Variants in KCNH8 observed in about 807,000 individuals in gnomAD.
KCNH8 encodes voltage-gated delayed rectifier potassium channel KCNH8.
KCNH8 carries 70 observed loss-of-function variants against 103.6 expected under a neutral mutation model. The ratio of observed to expected loss-of-function variants is 0.68; its 90% CI spans 0.56 to 0.82. The LOEUF (loss-of-function observed/expected upper bound fraction) is 0.82. KCNH8 is among the 40% of genes least tolerant of loss of function. The pLI is 0.00. For synonymous variants in KCNH8, 498 were observed against 489.4 expected (o/e 1.02, Z -0.23); for missense variants, 1,217 against 1,329.9 (o/e 0.92, Z 1.32).
chr3:19,465,079 G>A (rs1414549392), intron 11 of KCNH8, among the ~76,000 whole-genome samples: 1 of 152,134 alleles, frequency 6.6e-6, no homozygotes, highest in East Asian at 1.9e-4. Flanking sequence ...TTTCAATAAT[G>A]CTGGAGAAAT....
intron 3 of KCNH8, among the ~76,000 whole-genome samples, chr3:19,339,264 A>AG (rs1411573230): frequency 6.6e-6 from 1 of 152,124 alleles, no homozygotes; most frequent in Non-Finnish European, 1.5e-5. Context: ...CTCACTGAGA[A>AG]GGGAATTGGC....
chr3:19,492,663 G>C (rs2068348161), intron 11 of KCNH8, among the ~76,000 whole-genome samples: 1 of 151,912 alleles, frequency 6.6e-6, no homozygotes, highest in Non-Finnish European at 1.5e-5. Flanking sequence ...TTGCTGTTTG[G>C]GCTCTTTTTT....
At chr3:19,356,066 C>T (rs1040568571) in intron 5 of KCNH8, among the ~76,000 whole-genome samples, 61 of 151,600 alleles carry the variant, frequency 4.0e-4, no homozygotes, top group African/African-American at 1.3e-3. Flanking sequence ...CATAGAACTA[C>T]AAGATGATGT....
At chr3:19,440,040 G>A (rs1575069083) in intron 8 of KCNH8, among the ~76,000 whole-genome samples, 2 of 152,022 alleles carry the variant, frequency 1.3e-5, no homozygotes, top group East Asian at 3.9e-4. Context: ...AAGACAGAAA[G>A]AAACAAACTT....
chr3:19,527,207 A>C lies in KCNH8; in HGVS notation c.2620-6188A>C, dbSNP rs112313621. Among the ~76,000 whole-genome samples the C allele has an allele frequency of 4.2e-3, 633 of 152,162 alleles. 2 individuals carry two copies. The highest frequency in any genetic ancestry group is 6.4e-3 in the Non-Finnish European group (437 of 67,970). ...CGAAGATCCAGGCAAAGCAATACTAAAAATTCGAGACTTTTTCTTCTGATA... is the reference window on the plus strand; with the variant it reads ...CGAAGATCCAGGCAAAGCAATACTACAAATTCGAGACTTTTTCTTCTGATA... On this transcript the variant is annotated intron_variant, in intron 15 of 15. Coordinates refer to ENST00000328405, the MANE Select transcript of KCNH8 (RefSeq NM_144633.3).
chr3:19,346,150 T>A (rs2125319103), intron 4 of KCNH8, among the ~76,000 whole-genome samples: 1 of 152,154 alleles, frequency 6.6e-6, no homozygotes, highest in Middle Eastern at 3.4e-3. Flanking sequence ...AAAATTTGGA[T>A]TAGAACCAAT....
At chr3:19,197,237 T>G (rs964499633) in intron 1 of KCNH8, among the ~76,000 whole-genome samples, 3 of 152,074 alleles carry the variant, frequency 2.0e-5, no homozygotes, top group African/African-American at 7.2e-5. Context: ...CCCCAACAAT[T>G]TTGCCCTCTA....
intron 3 of KCNH8, among the ~76,000 whole-genome samples, chr3:19,334,935 G>A (rs2065561711): frequency 6.6e-6 from 1 of 151,832 alleles, no homozygotes; most frequent in African/African-American, 2.4e-5. Context: ...TAAAAATTTG[G>A]AAGGAAATGC....
intron 3 of KCNH8, among the ~76,000 whole-genome samples, chr3:19,334,038 C>T (rs1221456151): frequency 6.6e-6 from 1 of 152,182 alleles, no homozygotes; most frequent in African/African-American, 2.4e-5. Flanking sequence ...AAGATATTTG[C>T]TGACTCCATG....
At chr3:19,510,010 A>G (rs911354897) in intron 11 of KCNH8, among the ~76,000 whole-genome samples, 2 of 152,258 alleles carry the variant, frequency 1.3e-5, no homozygotes, top group Admixed American at 6.5e-5. Context: ...GGAAAAAAAA[A>G]AGGAGAGAGA....
intron 2 of KCNH8, among the ~76,000 whole-genome samples, chr3:19,258,819 A>G (rs2064379764): frequency 6.6e-6 from 1 of 150,808 alleles, no homozygotes. Context: ...CTGTTTTATT[A>G]TATCTTCTGC....
At chr3:19,156,270 T>C (rs935485554) in intron 1 of KCNH8, among the ~76,000 whole-genome samples, 3 of 152,192 alleles carry the variant, frequency 2.0e-5, no homozygotes, top group East Asian at 1.9e-4. Flanking sequence ...CACCCACTTT[T>C]TGAGTCAAAG....
chr3:19,302,046 G>A (rs967502649), intron 3 of KCNH8, among the ~76,000 whole-genome samples: 4 of 152,058 alleles, frequency 2.6e-5, no homozygotes, highest in African/African-American at 7.2e-5. Context: ...TTGCATTTAC[G>A]GTTTTGATGG....
chr3:19,294,507 T>G (rs1003906799), intron 3 of KCNH8, among the ~76,000 whole-genome samples: 1 of 152,214 alleles, frequency 6.6e-6, no homozygotes, highest in East Asian at 1.9e-4. Context: ...AGATTTCTGC[T>G]TCAGGGACAT....
intron 1 of KCNH8, among the ~76,000 whole-genome samples, chr3:19,231,652 A>G (rs1468869103): frequency 6.6e-6 from 1 of 152,192 alleles, no homozygotes; most frequent in Non-Finnish European, 1.5e-5. Flanking sequence ...CCAGCCTACA[A>G]GATCATATCT....
chr3:19,235,497 C>G (rs1403155691), intron 1 of KCNH8, among the ~76,000 whole-genome samples: 1 of 152,084 alleles, frequency 6.6e-6, no homozygotes, highest in Non-Finnish European at 1.5e-5. Flanking sequence ...TTGGCTGCAT[C>G]TGGAATATTA....
Position 19,293,101 on chromosome 3 carries a change from A to G in KCNH8, c.442+11772A>G, listed in dbSNP as rs748163749. On this transcript the variant is annotated intron_variant, in intron 3 of 15. Coordinates refer to ENST00000328405, the MANE Select transcript of KCNH8 (RefSeq NM_144633.3). ...AGGTATCATGTATTGATTATTTTCT[A>G]TATGCCAGACATATTATCCCAGGAT... 4.6e-5 allele frequency among the ~76,000 whole-genome samples: 7 copies of G among 152,298 alleles called. No homozygotes were observed. In the East Asian group the frequency reaches 9.6e-4, roughly 21 times the overall value.
intron 15 of KCNH8, among the ~76,000 whole-genome samples, chr3:19,530,073 C>G (rs1157016431): frequency 6.6e-6 from 1 of 152,072 alleles, no homozygotes; most frequent in Non-Finnish European, 1.5e-5. Context: ...GACAAATATT[C>G]CACGTCCTCA....
chr3:19,170,807 TA>T (rs1283641429), intron 1 of KCNH8, among the ~76,000 whole-genome samples: 3,595 of 102,098 alleles, frequency 0.035, 232 homozygotes, highest in African/African-American at 0.12. Context: ...TATATATATA[TA>T]TATTTTTTTT....
Sources: allele counts gnomAD v4.1 joint callset (sites outside exome capture counted in the v4.1 genomes callset), GRCh38; gene constraint gnomAD v4.1.1; transcripts MANE v1.5; gene names NCBI Gene and HGNC (gene_info 2026-07-23, HGNC 2026-07-21).